Variants in SLC28A1 observed in about 807,000 individuals in gnomAD.
SLC28A1 encodes the protein solute carrier family 28 member 1, also known as sodium/nucleoside cotransporter 1.
Under a neutral mutation model 74.8 loss-of-function variants are expected in SLC28A1, and 64 were observed. The ratio of observed to expected loss-of-function variants is 0.86; its 90% CI spans 0.70 to 1.05. The LOEUF (loss-of-function observed/expected upper bound fraction) is 1.05, where lower values mean the gene tolerates loss of function less well. Among genes scored for constraint, SLC28A1 ranks in the 50% least tolerant of loss-of-function variants. SLC28A1 has a pLI of 0.00. For synonymous variants in SLC28A1, 359 were observed against 335.0 expected, an observed-to-expected ratio of 1.07 and a Z score of -0.78; for missense variants, 828 against 822.8, an observed-to-expected ratio of 1.01 and a Z score of -0.08.
In SLC28A1 at chr15:84,924,003, A is replaced by T; in HGVS notation, c.976A>T (p.Ile326Phe). The change falls in exon 12 of 19, where the codon ATC (isoleucine) becomes TTC (phenylalanine). Residue 326 changes from isoleucine to phenylalanine, a missense_variant. Physicochemically the swap from Ile to Phe is conservative, Grantham distance 21 (BLOSUM62 0). Transcript: ENST00000394573. ...FVSQTEAPLL[I>F]RPYLADMTLS... ...TTTGCAGACCGAGGCTCCATTACTG[A>T]TCCGGCCCTACTTGGCAGACATGAC... 1 of 1,613,832 alleles carries T rather than the reference A, an allele frequency of 6.2e-7. No individual in the cohort carries two copies. Among genetic ancestry groups the T allele is most frequent in the Non-Finnish European group, 8.5e-7 (1 of 1,179,998 alleles).
At chr15:84,905,703 G>C (rs1966991117) in intron 8 of SLC28A1, 51 bp downstream of exon 8, 5 of 1,315,134 alleles carry the variant, frequency 3.8e-6, no homozygotes, top group Non-Finnish European at 4.4e-6. Context: ...ACTGGGAGTA[G>C]GGGAGAAGCC....
chr15:84,890,683 C>T, intron 5 of SLC28A1, 149 bp downstream of exon 5: 1 of 713,388 alleles, frequency 1.4e-6, no homozygotes, highest in African/African-American at 1.7e-5. Flanking sequence ...GGTACTGAGG[C>T]ATCTGTTAAG....
At chr15:84,889,442 G>T (rs918009553) in intron 4 of SLC28A1, among the ~76,000 whole-genome samples, 1 of 152,128 alleles carries the variant, frequency 6.6e-6, no homozygotes, top group South Asian at 2.1e-4. Context: ...CCTGGGCAGG[G>T]GATATGGGAA....
the SLC28A1 span, among the ~76,000 whole-genome samples, chr15:84,963,221 C>T: frequency 2.6e-5 from 4 of 152,178 alleles, no homozygotes; most frequent in African/African-American, 9.7e-5. Flanking sequence ...TGCAATCCCT[C>T]GGGCTATCCC....
chr15:84,928,518 G>GGTTC (rs141295230), intron 12 of SLC28A1, among the ~76,000 whole-genome samples: 1,227 of 34,104 alleles, frequency 0.036, 275 homozygotes, highest in East Asian at 0.12. Flanking sequence ...CAAGCTCCCA[G>GGTTC]GTTCGTTCGT....
chr15:84,890,557 C>A (rs1456409395), intron 5 of SLC28A1, 23 bp downstream of exon 5: 2 of 1,575,304 alleles, frequency 1.3e-6, no homozygotes, highest in African/African-American at 1.3e-5. Context: ...CCCAGCACTA[C>A]CCAGGACACA....
intron 6 of SLC28A1, among the ~76,000 whole-genome samples, chr15:84,899,470 A>G (rs1966366098): frequency 6.6e-6 from 1 of 152,232 alleles, no homozygotes; most frequent in African/African-American, 2.4e-5. Flanking sequence ...CCAAGGCAAT[A>G]ATCAAATTAC....
At position 84,932,993 on chromosome 15, in the gene SLC28A1, A is replaced by G. The variant is rs200494029; in HGVS notation, c.1084-152A>G. ...CTGTGACCTTCTACACATAAAAGGTATTATTATTATTAGTGATGACAGCAG... is the reference window on the plus strand; with the variant it reads ...CTGTGACCTTCTACACATAAAAGGTGTTATTATTATTAGTGATGACAGCAG... On this transcript the variant is annotated intron_variant, in intron 12 of 18. Transcript: ENST00000394573. 5 of 244,292 alleles carry G rather than the reference A, an allele frequency of 2.0e-5. 1 individual carries two copies. The Admixed American group carries it at 2.9e-4, about 14-fold the overall frequency. 15.1% of individuals were successfully genotyped at this position (244,292 alleles called of 1,614,324 possible).
chr15:84,899,339 G>A (rs1966350253), intron 6 of SLC28A1, among the ~76,000 whole-genome samples: 1 of 151,550 alleles, frequency 6.6e-6, no homozygotes, highest in African/African-American at 2.4e-5. Context: ...GAGAAGGAGG[G>A]CAGAAAAAAA....
downstream of SLC28A1, among the ~76,000 whole-genome samples, chr15:84,949,626 G>C (rs2079350367): frequency 6.9e-6 from 1 of 145,928 alleles, no homozygotes. Context: ...GCCCAGGCTG[G>C]TCGTGAACTC....
At chr15:84,930,847 G>A (rs922699056) in intron 12 of SLC28A1, among the ~76,000 whole-genome samples, 5 of 151,408 alleles carry the variant, frequency 3.3e-5, no homozygotes, top group African/African-American at 9.7e-5. Context: ...TCGGCTCATT[G>A]CAACCTCCGC....
chr15:84,894,860 G>T, intron 5 of SLC28A1, 80 bp from the exon 6 acceptor site: 1 of 1,380,728 alleles, frequency 7.2e-7, no homozygotes, highest in East Asian at 2.3e-5. Flanking sequence ...GTGGAGTAAG[G>T]TGGAGTCCGC....
At chr15:84,951,119 A>G in the SLC28A1 span, among the ~76,000 whole-genome samples, 44 of 152,204 alleles carry the variant, frequency 2.9e-4, no homozygotes, top group African/African-American at 9.9e-4. Flanking sequence ...TTGGACCATG[A>G]AGACAAAGGC....
chr15:84,905,427 G>A, intron 7 of SLC28A1, 112 bp from the exon 8 acceptor site: 1 of 758,506 alleles, frequency 1.3e-6, no homozygotes, highest in African/African-American at 1.7e-5. Context: ...TACTCTGCCT[G>A]GCTCCAGCCC....
rs1235393047 is a variant in SLC28A1 at position 84,945,572 on chromosome 15, G to T, written c.*372G>T. 5 of 316,850 alleles carry T rather than the reference G, an allele frequency of 1.6e-5. No homozygotes were observed. In the East Asian group the frequency reaches 4.0e-4, roughly 26 times the overall value. 19.6% of individuals were successfully genotyped at this position (316,850 alleles called of 1,614,324 possible). ...CTTCTGTTGTGGGCTGCACACCAAA[G>T]CCTCCTCCCCTCCCCACTTCCTAGG... On this transcript the variant is annotated 3_prime_UTR_variant, in exon 19 of 19. Transcript: ENST00000394573.
chr15:84,955,048 G>A, the SLC28A1 span, among the ~76,000 whole-genome samples: 16 of 152,292 alleles, frequency 1.1e-4, no homozygotes, highest in South Asian at 3.3e-3. Flanking sequence ...TGGCTGCCAC[G>A]CTGTGAGGAA....
the SLC28A1 span, among the ~76,000 whole-genome samples, chr15:84,956,647 C>T: frequency 6.7e-6 from 1 of 148,334 alleles, no homozygotes; most frequent in African/African-American, 2.5e-5. Flanking sequence ...CGCACACCAC[C>T]ACACCTGACT....
chr15:84,970,168 C>G, the SLC28A1 span, among the ~76,000 whole-genome samples: 1 of 152,320 alleles, frequency 6.6e-6, no homozygotes, highest in East Asian at 1.9e-4. Flanking sequence ...AGCAGCTTTG[C>G]TCATGGATGG....
Position 84,945,248 on chromosome 15 carries a change from C to T in SLC28A1, c.*48C>T, listed in dbSNP as rs377748574. 9.5e-5 allele frequency: 147 copies of T among 1,554,168 alleles called. 1 individual carries two copies. Among genetic ancestry groups the T allele is most frequent in the Non-Finnish European group, 1.2e-4 (130 of 1,125,954 alleles). ...TGCGCTTCTGAGGGCTGTTCTCCCC[C>T]GGGAACCATCTGTCCCCACCTTCCC... is the stretch of plus-strand genomic sequence containing the variant. On this transcript the variant is annotated 3_prime_UTR_variant, in exon 19 of 19. Coordinates refer to ENST00000394573, the MANE Select transcript of SLC28A1 (RefSeq NM_004213.5).
Sources: gnomAD v4.1 joint callset for allele counts (sites outside exome capture counted in the v4.1 genomes callset) on GRCh38, gnomAD v4.1.1 for gene constraint, MANE v1.5 for transcripts, NCBI Gene and HGNC (gene_info 2026-07-23, HGNC 2026-07-21) for gene names.